The following GLIS3 variants were observed in gnomAD, a reference collection of about 807,000 sequenced individuals.
GLIS3 encodes GLIS family zinc finger 3, also known as zinc finger protein GLIS3.
In GLIS3, 53 loss-of-function variants were observed where a neutral mutation model predicts 78.6. That is an observed-to-expected ratio of 0.67 (90% CI 0.54 to 0.85). The LOEUF (loss-of-function observed/expected upper bound fraction) is 0.85. Among genes scored for constraint, GLIS3 ranks in the 40% least tolerant of loss-of-function variants. GLIS3 has a pLI of 0.00. For synonymous variants in GLIS3, 684 were observed against 509.9 expected (o/e 1.34, Z -4.60); for missense variants, 1,703 against 1,231.1 (o/e 1.38, Z -5.74).
chr9:4,472,806 A>G, the GLIS3 span, among the ~76,000 whole-genome samples: 2,100 of 152,286 alleles, frequency 0.014, 52 homozygotes, highest in African/African-American at 0.049. Context: ...CGTTTTATAT[A>G]TATATAAAAT....
At chr9:4,194,038 C>T (rs1051295292) in intron 2 of GLIS3, among the ~76,000 whole-genome samples, 1 of 152,058 alleles carries the variant, frequency 6.6e-6, no homozygotes, top group Non-Finnish European at 1.5e-5. Flanking sequence ...GGCCTTGCCG[C>T]TTTATTTTTA....
chr9:4,218,289 C>T (rs1821027699), intron 2 of GLIS3, among the ~76,000 whole-genome samples: 1 of 149,312 alleles, frequency 6.7e-6, no homozygotes, highest in Admixed American at 6.7e-5. Flanking sequence ...TTTGGTTGAA[C>T]TTTTTTTTTT....
At chr9:4,342,011 T>C (rs573524759) in intron 2 of GLIS3, among the ~76,000 whole-genome samples, 2 of 152,372 alleles carry the variant, frequency 1.3e-5, no homozygotes, top group Admixed American at 1.3e-4. Context: ...CTTTGTTGGA[T>C]GCATACTTTG....
At chr9:3,852,316 G>T (rs898606484) in intron 9 of GLIS3, among the ~76,000 whole-genome samples, 1 of 152,146 alleles carries the variant, frequency 6.6e-6, no homozygotes, top group African/African-American at 2.4e-5. Context: ...CTACGGCAGG[G>T]AGTATAGAAG....
chr9:4,347,700 T>TG (rs1817913396), intron 1 of GLIS3, among the ~76,000 whole-genome samples: 1 of 151,618 alleles, frequency 6.6e-6, no homozygotes, highest in African/African-American at 2.4e-5. Context: ...CATGGTAGCT[T>TG]TTTGTTTGTT....
intron 2 of GLIS3, among the ~76,000 whole-genome samples, chr9:4,266,533 T>C (rs910589816): frequency 1.3e-5 from 2 of 151,902 alleles, no homozygotes; most frequent in Non-Finnish European, 2.9e-5. Context: ...CACTGGTTCT[T>C]ACTGCCCACC....
chr9:4,383,707 G>A, the GLIS3 span, among the ~76,000 whole-genome samples: 1 of 152,162 alleles, frequency 6.6e-6, no homozygotes, highest in Admixed American at 6.6e-5. Flanking sequence ...ACCTTTCTTA[G>A]GTAATATGAC....
chr9:3,906,836 C>T (rs936308061), intron 6 of GLIS3, among the ~76,000 whole-genome samples: 13 of 152,208 alleles, frequency 8.5e-5, no homozygotes, highest in Non-Finnish European at 1.0e-4. Context: ...GACTGTACCA[C>T]GTACCATAAA....
chr9:3,903,487 T>A (rs894970287), intron 6 of GLIS3, among the ~76,000 whole-genome samples: 1 of 152,206 alleles, frequency 6.6e-6, no homozygotes, highest in Non-Finnish European at 1.5e-5. Flanking sequence ...CATTGTAATC[T>A]ATGTGAACGG....
At chr9:4,013,950 C>T (rs987021888) in intron 4 of GLIS3, among the ~76,000 whole-genome samples, 4 of 152,176 alleles carry the variant, frequency 2.6e-5, no homozygotes, top group African/African-American at 7.2e-5. Context: ...ATGCTCAAAT[C>T]CCAAAGACAG....
chr9:4,394,056 C>T, the GLIS3 span, among the ~76,000 whole-genome samples: 1 of 151,342 alleles, frequency 6.6e-6, no homozygotes, highest in African/African-American at 2.4e-5. Context: ...CCATTAAAAC[C>T]CAATCCCAGG....
intron 4 of GLIS3, among the ~76,000 whole-genome samples, chr9:4,100,097 A>G (rs1830252865): frequency 2.0e-5 from 3 of 152,254 alleles, no homozygotes; most frequent in Non-Finnish European, 4.4e-5. Flanking sequence ...TTGTGTAACA[A>G]TAAAAGGTCA....
At chr9:4,038,240 A>G (rs1197789094) in intron 4 of GLIS3, among the ~76,000 whole-genome samples, 1 of 152,176 alleles carries the variant, frequency 6.6e-6, no homozygotes, top group Non-Finnish European at 1.5e-5. Flanking sequence ...ACATCCTAAA[A>G]ATATTATCCC....
rs734752 is a variant in GLIS3, at chr9:3,827,824, C to T, written c.*448G>A. 0.29 allele frequency: 69,449 copies of T among 238,864 alleles called. 11,374 individuals carry two copies. Among genetic ancestry groups the T allele is most frequent in the South Asian group, 0.46 (7,312 of 16,036 alleles). The allele number at this position is 238,864 out of a possible 1,614,324, so 14.8% of individuals were successfully genotyped here. ...CATGGATTTCCCTTGTTGTGCCTGG[C>T]TTTGCATCAGGAGCAGCAAGGGTGA... On this transcript the variant is annotated 3_prime_UTR_variant, in exon 11 of 11. Transcript: ENST00000381971.
the GLIS3 span, among the ~76,000 whole-genome samples, chr9:4,415,254 G>C: frequency 4.6e-5 from 7 of 152,280 alleles, no homozygotes; most frequent in South Asian, 1.0e-3. Context: ...TCCTGGATTA[G>C]TGGTTAAGTT....
At position 4,170,847 on chromosome 9, in the gene GLIS3, A is replaced by C. The variant is rs546427056; in HGVS notation, c.389-44906T>G. 3.3e-5 allele frequency among the ~76,000 whole-genome samples: 5 copies of C among 152,338 alleles called. No homozygotes were observed. In the East Asian group the frequency reaches 9.6e-4, roughly 29 times the overall value. ...TAAATACTAGTAAAAAATGTTCATG[A>C]AATCCTCATGAATTCTCATAACTGG... On this transcript the variant is annotated intron_variant, in intron 2 of 10. Transcript: ENST00000381971.
At chr9:4,342,077 T>G (rs1391946596) in intron 2 of GLIS3, among the ~76,000 whole-genome samples, 14 of 152,248 alleles carry the variant, frequency 9.2e-5, no homozygotes, top group Non-Finnish European at 1.5e-5. Flanking sequence ...TAGTTTCTTT[T>G]GCTGTGCAGA....
chr9:4,326,400 T>C (rs1374622136), intron 2 of GLIS3, among the ~76,000 whole-genome samples: 3 of 152,126 alleles, frequency 2.0e-5, no homozygotes, highest in African/African-American at 7.2e-5. Context: ...TGCGGACACA[T>C]GCTACAACAT....
chr9:4,276,002 G>C (rs1826945895), intron 2 of GLIS3, among the ~76,000 whole-genome samples: 1 of 152,028 alleles, frequency 6.6e-6, no homozygotes. Context: ...CTACAGGTTA[G>C]CCAGGAGCAG....
Sources: gnomAD v4.1 joint callset for allele counts (sites outside exome capture counted in the v4.1 genomes callset) on GRCh38, gnomAD v4.1.1 for gene constraint, MANE v1.5 for transcripts, NCBI Gene and HGNC (gene_info 2026-07-23, HGNC 2026-07-21) for gene names.